Variants in DMXL1 observed in about 807,000 individuals in gnomAD.
DMXL1 encodes the protein dmX-like protein 1.
Under a neutral mutation model 319.2 loss-of-function variants are expected in DMXL1, and 99 were observed. The ratio of observed to expected loss-of-function variants is 0.31; its 90% CI spans 0.26 to 0.37. The LOEUF is 0.37. Among genes scored for constraint, DMXL1 ranks in the 10% least tolerant of loss-of-function variants. The pLI, the probability that DMXL1 is intolerant of heterozygous loss-of-function variation, is 1.00. For synonymous variants in DMXL1, 1,385 were observed against 1,235.2 expected, an observed-to-expected ratio of 1.12 and a Z score of -2.54; for missense variants, 3,745 against 3,595.6, an observed-to-expected ratio of 1.04 and a Z score of -1.06.
chr5:119,168,334 A>G (rs1773857809), intron 23 of DMXL1, among the ~76,000 whole-genome samples: 1 of 152,202 alleles, frequency 6.6e-6, no homozygotes, highest in South Asian at 2.1e-4. Context: ...TGAGTCTGCT[A>G]GTACCTTTTC....
At chr5:119,156,753 C>G (rs1171887132) in intron 19 of DMXL1, among the ~76,000 whole-genome samples, 1 of 151,778 alleles carries the variant, frequency 6.6e-6, no homozygotes, top group Non-Finnish European at 1.5e-5. Flanking sequence ...CCTTCATACC[C>G]TCTTCCATAA....
At chr5:119,226,536 A>G (rs535526367) in intron 38 of DMXL1, among the ~76,000 whole-genome samples, 1 of 152,122 alleles carries the variant, frequency 6.6e-6, no homozygotes, top group African/African-American at 2.4e-5. Flanking sequence ...CTGATACCAG[A>G]TGTGTTGGCT....
rs149277075 is a variant in DMXL1 at position 119,151,248 on chromosome 5, C to G, written c.4595-681C>G. 1.3e-3 allele frequency among the ~76,000 whole-genome samples: 195 copies of G among 151,648 alleles called. 4 individuals are homozygous for G. The East Asian group carries it at 0.032, about 25-fold the overall frequency. ...AGAGCATTTAAAAAAAAAATACTGCCAAGTTATGAACAGTTTGCCATAAAA... is the reference window on the plus strand; with the variant it reads ...AGAGCATTTAAAAAAAAAATACTGCGAAGTTATGAACAGTTTGCCATAAAA... On this transcript the variant is annotated intron_variant, in intron 18 of 43. Transcript: ENST00000539542.
chr5:119,197,038 A>G (rs903075275), intron 31 of DMXL1, among the ~76,000 whole-genome samples: 48 of 152,338 alleles, frequency 3.2e-4, no homozygotes, highest in Non-Finnish European at 1.2e-4. Context: ...TAGGGAGGTA[A>G]GTAGTAGGAA....
chr5:119,247,266 C>A lies in DMXL1; in HGVS notation c.*47C>A. 1 of 1,325,720 alleles carries A rather than the reference C, an allele frequency of 7.5e-7. No individual in the cohort carries two copies. The highest frequency in any genetic ancestry group is 1.1e-6 in the Non-Finnish European group (1 of 937,026). The allele number at this position is 1,325,720 out of a possible 1,614,324, so 82.1% of individuals were successfully genotyped here. ...AATTTATTACCTATATGGAAGTGGCCAACAGATATAATATACAGTGATCAT... is the reference window on the plus strand; with the variant it reads ...AATTTATTACCTATATGGAAGTGGCAAACAGATATAATATACAGTGATCAT... On this transcript the variant is annotated 3_prime_UTR_variant, in exon 44 of 44. Transcript: ENST00000539542.
chr5:119,176,468 A>G (rs1316328689), intron 26 of DMXL1, among the ~76,000 whole-genome samples: 2 of 151,904 alleles, frequency 1.3e-5, no homozygotes, highest in Non-Finnish European at 2.9e-5. Context: ...CTTATTATTT[A>G]GGCTTTATTT....
At chr5:119,225,907 A>G (rs891604803) in intron 38 of DMXL1, among the ~76,000 whole-genome samples, 2 of 152,176 alleles carry the variant, frequency 1.3e-5, no homozygotes, top group African/African-American at 4.8e-5. Context: ...AATGTGTTTT[A>G]TATATAAAAT....
intron 1 of DMXL1, among the ~76,000 whole-genome samples, chr5:119,074,518 G>A (rs1431906778): frequency 2.6e-5 from 4 of 152,158 alleles, no homozygotes; most frequent in Non-Finnish European, 5.9e-5. Flanking sequence ...TACTCATAAA[G>A]CCTGACAGGT....
At position 119,129,441 on chromosome 5, in the gene DMXL1, A is replaced by T; in HGVS notation, c.1315+18A>T. 3 of 1,559,432 alleles carry T rather than the reference A, an allele frequency of 1.9e-6. No homozygotes were observed. The South Asian group carries it at 3.6e-5, about 19-fold the overall frequency. Reference sequence around the variant, plus strand: ...TGATGAAGGTAAACTTTAAGAGGAAAGGAAAATTTAAAGTTTTGCTCAAAA... The same window carrying T: ...TGATGAAGGTAAACTTTAAGAGGAATGGAAAATTTAAAGTTTTGCTCAAAA... On this transcript the variant is annotated intron_variant, in intron 10 of 43. Transcript: ENST00000539542.
At chr5:119,162,822 T>A (rs1772559685) in intron 19 of DMXL1, among the ~76,000 whole-genome samples, 1 of 152,216 alleles carries the variant, frequency 6.6e-6, no homozygotes. Context: ...AATAGTCCAT[T>A]CACAATGTAG....
chr5:119,102,058 A>T (rs1036256325), intron 3 of DMXL1, 52 bp downstream of exon 3: 2 of 1,164,766 alleles, frequency 1.7e-6, no homozygotes, highest in African/African-American at 3.1e-5. Context: ...TTAAGTATTG[A>T]AAGAGTGTAA....
At chr5:119,176,531 G>T (rs529365685) in intron 26 of DMXL1, among the ~76,000 whole-genome samples, 5 of 151,804 alleles carry the variant, frequency 3.3e-5, no homozygotes, top group African/African-American at 1.2e-4. Flanking sequence ...GAATGAGGGA[G>T]TTTTTTTTGT....
chr5:119,146,738 A>G, intron 15 of DMXL1, 99 bp from the exon 16 acceptor site: 1 of 1,236,216 alleles, frequency 8.1e-7, no homozygotes, highest in Non-Finnish European at 1.1e-6. Flanking sequence ...AAAGTTTTTA[A>G]TCTTCTTTTT....
chr5:119,092,736 ACT>A (rs1755062990), intron 1 of DMXL1, among the ~76,000 whole-genome samples: 1 of 152,062 alleles, frequency 6.6e-6, no homozygotes, highest in South Asian at 2.1e-4. Flanking sequence ...TGCCTTACTG[ACT>A]CTATGGATTT....
intron 34 of DMXL1, among the ~76,000 whole-genome samples, chr5:119,213,720 T>C (rs1263814743): frequency 6.6e-6 from 1 of 152,160 alleles, no homozygotes; most frequent in Non-Finnish European, 1.5e-5. Flanking sequence ...TCACCAGATA[T>C]CACATTCTCT....
In DMXL1 at chr5:119,220,492, A is replaced by C. The variant is rs1489084201; in HGVS notation, c.8034A>C (p.Ala2678=). ...TTCAGGCAAATAGAAACTGCATAGC[A>C]ATCGCTTCCAGTCATGATGTTCAAG... ...AVNKANRNCI[A]IASSHDVQEL... The change falls in exon 36 of 44, where the codon GCA becomes GCC. Residue 2678 remains alanine, a synonymous_variant. Coordinates refer to ENST00000539542, the MANE Select transcript of DMXL1 (RefSeq NM_001290321.3). The C allele has an allele frequency of 6.2e-7, 1 of 1,613,762 alleles. No individual in the cohort carries two copies. Among genetic ancestry groups the C allele is most frequent in the East Asian group, 2.2e-5 (1 of 44,832 alleles).
chr5:119,105,349 G>A (rs1758103654), intron 4 of DMXL1, 91 bp downstream of exon 4: 1 of 1,013,968 alleles, frequency 9.9e-7, no homozygotes, highest in African/African-American at 1.6e-5. Flanking sequence ...CTTCTGCTGG[G>A]TGTGAGGTTG....
At chr5:119,141,168 G>A (rs4325495) in intron 13 of DMXL1, among the ~76,000 whole-genome samples, 1 of 152,116 alleles carries the variant, frequency 6.6e-6, no homozygotes. Context: ...GGCAAAAGCT[G>A]GAAGCATTCC....
In DMXL1 at chr5:119,084,910, T is replaced by G. The variant is rs146974579; in HGVS notation, c.88-13069T>G. Among the ~76,000 whole-genome samples, 847 of 152,118 alleles carry G rather than the reference T, an allele frequency of 5.6e-3. 9 individuals carry two copies. Among genetic ancestry groups the G allele is most frequent in the African/African-American group, 0.02 (814 of 41,496 alleles). The stretch of plus-strand genomic sequence containing the variant: ...CCTAAAATTGTCTTCTGTGTGGTCA[T>G]TTTAACAATATTAATTCTTCCAATC... On this transcript the variant is annotated intron_variant, in intron 1 of 43. Coordinates refer to ENST00000539542, the MANE Select transcript of DMXL1 (RefSeq NM_001290321.3).
Sources: allele counts gnomAD v4.1 joint callset (sites outside exome capture counted in the v4.1 genomes callset), GRCh38; gene constraint gnomAD v4.1.1; transcripts MANE v1.5; gene names NCBI Gene and HGNC (gene_info 2026-07-23, HGNC 2026-07-21).